GPCPD1: variants seen among roughly 807,000 people sequenced by gnomAD.
GPCPD1 encodes the protein glycerophosphocholine phosphodiesterase GPCPD1.
GPCPD1 carries 29 observed loss-of-function variants against 89.2 expected under a neutral mutation model. The ratio of observed to expected loss-of-function variants is 0.33; its 90% CI spans 0.24 to 0.44. The LOEUF is 0.44. Ranked by LOEUF, GPCPD1 falls within the 20% of genes least tolerant of loss-of-function variation. The pLI is 1.00. For synonymous variants in GPCPD1, 258 were observed against 266.3 expected, an observed-to-expected ratio of 0.97 and a Z score of 0.30; for missense variants, 594 against 808.9, an observed-to-expected ratio of 0.73 and a Z score of 3.22.
chr20:5,604,892 G>T (rs1367811674), intron 1 of GPCPD1, among the ~76,000 whole-genome samples: 1 of 151,876 alleles, frequency 6.6e-6, no homozygotes, highest in African/African-American at 2.4e-5. Flanking sequence ...TGTTGAGGCT[G>T]TAGTGAGCTG....
At chr20:5,598,999 C>T (rs1173101119) in intron 2 of GPCPD1, among the ~76,000 whole-genome samples, 178 bp from the exon 3 acceptor site, 1 of 152,108 alleles carries the variant, frequency 6.6e-6, no homozygotes, top group Non-Finnish European at 1.5e-5. Flanking sequence ...TGCCAATTAA[C>T]TCGACTCACC....
intron 16 of GPCPD1, among the ~76,000 whole-genome samples, chr20:5,560,451 A>C (rs1986022314): frequency 6.6e-6 from 1 of 152,206 alleles, no homozygotes; most frequent in Non-Finnish European, 1.5e-5. Flanking sequence ...AAATTAATAA[A>C]ATGTCCCTAC....
At chr20:5,581,959 C>A (rs73596116) in intron 6 of GPCPD1, among the ~76,000 whole-genome samples, 1 of 145,954 alleles carries the variant, frequency 6.9e-6, no homozygotes, top group African/African-American at 2.5e-5. Context: ...CCGAGGCGGG[C>A]GGATCACGAG....
At chr20:5,603,113 T>G (rs1980289441) in intron 2 of GPCPD1, among the ~76,000 whole-genome samples, 1 of 150,752 alleles carries the variant, frequency 6.6e-6, no homozygotes, top group Non-Finnish European at 1.5e-5. Flanking sequence ...GACAAGATAG[T>G]GAAACCCTGT....
At chr20:5,561,038 G>T (rs944553813) in intron 16 of GPCPD1, among the ~76,000 whole-genome samples, 3 of 152,174 alleles carry the variant, frequency 2.0e-5, no homozygotes, top group Non-Finnish European at 4.4e-5. Flanking sequence ...GACTAAATTT[G>T]TAAGTGATTT....
chr20:5,553,779 G>A (rs1985574404), intron 19 of GPCPD1, among the ~76,000 whole-genome samples: 1 of 152,180 alleles, frequency 6.6e-6, no homozygotes, highest in African/African-American at 2.4e-5. Flanking sequence ...GCTGAGAGAG[G>A]TAAAGAAGCT....
chr20:5,597,749 T>C (rs916024656), intron 3 of GPCPD1, among the ~76,000 whole-genome samples: 4 of 152,204 alleles, frequency 2.6e-5, no homozygotes, highest in African/African-American at 9.7e-5. Flanking sequence ...AACTGAGGCC[T>C]ACAGACATCA....
intron 19 of GPCPD1, chr20:5,549,507 G>A (rs137935391): frequency 8.8e-7 from 1 of 1,134,778 alleles, no homozygotes; most frequent in African/African-American, 1.5e-5. Context: ...GTATTCTTCT[G>A]AGTATTCTCA....
rs1164734794 is a variant in GPCPD1, at chr20:5,565,048, G to T, written c.1298C>A (p.Ser433Ter). The T allele has an allele frequency of 6.4e-7, 1 of 1,555,138 alleles. No homozygotes were observed. ...AAGAGAAGGAAATGGCTGATTTTCT[G>T]AAAAGGAATTTTCCTCCTGAACCAC... The part of the protein sequence containing the change: ...ESVVQEENSF[S>*]ENQPFPSLKM... The change falls in exon 15 of 20, where the codon TCA (serine) becomes TAA (stop). Residue 433 changes from serine to a stop codon, truncating the protein, a stop_gained. Transcript: ENST00000379019. LOFTEE classifies it high-confidence loss of function.
At chr20:5,558,264 A>G (rs1407710554) in intron 18 of GPCPD1, among the ~76,000 whole-genome samples, 159 bp from the exon 19 acceptor site, 1 of 152,198 alleles carries the variant, frequency 6.6e-6, no homozygotes, top group East Asian at 1.9e-4. Context: ...TTTAATGGAC[A>G]CTTCATACAT....
rs1290352989 is a variant in GPCPD1, at chr20:5,584,445, A to G, written c.308-123T>C. The G allele has an allele frequency of 2.3e-5, 12 of 524,176 alleles. No homozygotes were observed. The South Asian group carries it at 2.6e-4, about 12-fold the overall frequency. The allele number at this position is 524,176 out of a possible 1,614,324, so 32.5% of individuals were successfully genotyped here. A position where few individuals can be genotyped will look rare whatever the true frequency, so the allele number is the denominator to read the frequency against. On this transcript the variant is annotated intron_variant, in intron 5 of 19. Transcript: ENST00000379019. Reference sequence around the variant, plus strand: ...TAAATCTACAGCTTAAAAGCAGCCCAAGGTGAATAAGCATATTTATTGTAG... The same window carrying G: ...TAAATCTACAGCTTAAAAGCAGCCCGAGGTGAATAAGCATATTTATTGTAG...
intron 11 of GPCPD1, among the ~76,000 whole-genome samples, chr20:5,572,988 C>T (rs549907594): frequency 1.8e-4 from 27 of 152,280 alleles, no homozygotes; most frequent in African/African-American, 6.3e-4. Flanking sequence ...GCTCCAGCCT[C>T]AGACTCCCAA....
chr20:5,558,869 T>A, intron 17 of GPCPD1, 50 bp from the exon 18 acceptor site: 1 of 1,402,098 alleles, frequency 7.1e-7, no homozygotes. Flanking sequence ...GTAACTGTAA[T>A]ATTCCTTTTT....
At chr20:5,587,418 A>G (rs6116858) in intron 4 of GPCPD1, among the ~76,000 whole-genome samples, 110,219 of 151,588 alleles carry the variant, frequency 0.73, 41,401 homozygotes, top group African/African-American at 0.92. Context: ...ACCCAGGCTA[A>G]AGTGCAATGG....
intron 12 of GPCPD1, 144 bp downstream of exon 12, chr20:5,570,003 G>A (rs749447800): frequency 1.1e-5 from 6 of 543,230 alleles, no homozygotes; most frequent in Non-Finnish European, 2.0e-5. Flanking sequence ...GCAAGAGCAT[G>A]AGAGGGAAGG....
chr20:5,586,044 G>C, intron 5 of GPCPD1, 150 bp downstream of exon 5: 1 of 444,790 alleles, frequency 2.2e-6, no homozygotes, highest in Non-Finnish European at 4.1e-6. Context: ...TGTTTTGAAA[G>C]ATCCATGAAA....
intron 4 of GPCPD1, among the ~76,000 whole-genome samples, chr20:5,586,899 A>G (rs901906159): frequency 1.3e-5 from 2 of 152,200 alleles, no homozygotes; most frequent in Non-Finnish European, 2.9e-5. Flanking sequence ...GGCCAGGTAA[A>G]CTTGAAGAGC....
chr20:5,589,176 G>C (rs6038214), intron 4 of GPCPD1, among the ~76,000 whole-genome samples: 109,245 of 152,102 alleles, frequency 0.72, 40,332 homozygotes, highest in African/African-American at 0.89. Context: ...ATTCAGACTA[G>C]AAATGTACAT....
intron 11 of GPCPD1, among the ~76,000 whole-genome samples, chr20:5,571,806 G>A (rs1398651711): frequency 6.6e-6 from 1 of 152,066 alleles, no homozygotes; most frequent in African/African-American, 2.4e-5. Flanking sequence ...CTACTCGGGA[G>A]GCTGAAACTG....
Sources: gnomAD v4.1 joint callset for allele counts (sites outside exome capture counted in the v4.1 genomes callset) on GRCh38, gnomAD v4.1.1 for gene constraint, MANE v1.5 for transcripts, NCBI Gene and HGNC (gene_info 2026-07-23, HGNC 2026-07-21) for gene names.